Variants in TSHR observed in about 807,000 individuals in gnomAD.
The protein encoded by TSHR is thyrotropin receptor.
TSHR carries 51 observed loss-of-function variants against 64.1 expected under a neutral mutation model. The observed-to-expected ratio is 0.80, with a 90% CI of 0.64 to 1.01. The LOEUF (loss-of-function observed/expected upper bound fraction) is 1.01. TSHR is among the 50% of genes least tolerant of loss of function. The pLI is 0.00. For missense variants in TSHR, 877 were observed against 942.8 expected (o/e 0.93, Z 0.91); for synonymous variants, 361 against 361.9 (o/e 1.00, Z 0.03).
chr14:81,001,720 T>TA (rs1889330792), intron 1 of TSHR: 1 of 447,870 alleles, frequency 2.2e-6, no homozygotes, highest in African/African-American at 2.0e-5. Flanking sequence ...CGAGTGTTCT[T>TA]ACAGGAAACA....
intron 1 of TSHR, among the ~76,000 whole-genome samples, chr14:80,978,946 T>A (rs1009026096): frequency 6.6e-6 from 1 of 152,238 alleles, no homozygotes; most frequent in Non-Finnish European, 1.5e-5. Flanking sequence ...TGAATTTGAA[T>A]TTCAGATCTG....
At chr14:80,963,309 T>C (rs1887131382) in intron 1 of TSHR, among the ~76,000 whole-genome samples, 1 of 152,236 alleles carries the variant, frequency 6.6e-6, no homozygotes, top group Non-Finnish European at 1.5e-5. Context: ...CCTAATGAAC[T>C]CCAGGTTCTT....
At chr14:81,142,379 C>A (rs1450518817) in intron 9 of TSHR, among the ~76,000 whole-genome samples, 4 of 151,812 alleles carry the variant, frequency 2.6e-5, no homozygotes, top group Non-Finnish European at 4.4e-5. Flanking sequence ...TGAGCCAGCA[C>A]ACTTGGCCAC....
chr14:81,113,845 T>C (rs2300536), intron 8 of TSHR, among the ~76,000 whole-genome samples: 75,700 of 151,914 alleles, frequency 0.5, 21,801 homozygotes, highest in Non-Finnish European at 0.64. Context: ...CTGAAGCTGG[T>C]CAGTCTCATT....
chr14:81,042,958 T>C (rs958404190), intron 1 of TSHR, among the ~76,000 whole-genome samples: 3 of 151,976 alleles, frequency 2.0e-5, no homozygotes, highest in African/African-American at 7.3e-5. Context: ...ATAAGAGCCG[T>C]ATATAAAAAA....
intron 8 of TSHR, among the ~76,000 whole-genome samples, chr14:81,116,775 C>T (rs1331663778): frequency 6.6e-6 from 1 of 150,738 alleles, no homozygotes; most frequent in African/African-American, 2.5e-5. Context: ...TGACCACATA[C>T]TTGGAAGTAA....
At chr14:81,090,747 T>TCACACA (rs374517515) in intron 4 of TSHR, among the ~76,000 whole-genome samples, 1 of 151,276 alleles carries the variant, frequency 6.6e-6, no homozygotes, top group African/African-American at 2.4e-5. Flanking sequence ...AACGAGAAAA[T>TCACACA]CACACACACA....
In TSHR at chr14:81,143,614, G is replaced by A. The variant is rs780018604; in HGVS notation, c.1556G>A (p.Arg519His). 2.7e-5 allele frequency: 43 copies of A among 1,613,704 alleles called. No homozygotes were observed. Among genetic ancestry groups the A allele is most frequent in the East Asian group, 8.9e-5 (4 of 44,880 alleles). The stretch of plus-strand genomic sequence containing the variant: ...ACGCTGACGGTCATCACCCTGGAGC[G>A]CTGGTATGCCATCACCTTCGCCATG... ...VYTLTVITLERWYAITFAMRL... is the reference protein window; with the variant it reads ...VYTLTVITLEHWYAITFAMRL... The change falls in exon 10 of 10, where the codon CGC (arginine) becomes CAC (histidine). Residue 519 changes from arginine to histidine, a missense_variant. Arg to His is a conservative substitution (Grantham distance 29). Transcript: ENST00000298171.
chr14:80,982,389 T>C, intron 1 of TSHR: 2 of 1,253,444 alleles, frequency 1.6e-6, no homozygotes, highest in Admixed American at 2.2e-5. Context: ...ATCATTCCGG[T>C]GCTAAGAATG....
rs77104534 is a variant in TSHR, at chr14:81,060,489, T to G, written c.171-1659T>G. 2.2e-3 allele frequency among the ~76,000 whole-genome samples: 332 copies of G among 152,124 alleles called. 9 individuals carry two copies. The East Asian group carries it at 0.055, about 25-fold the overall frequency. On this transcript the variant is annotated intron_variant, in intron 1 of 9. Coordinates refer to ENST00000298171, the MANE Select transcript of TSHR (RefSeq NM_000369.5). ...GGGCTTCATGGCAAAACACCAGAGGTTGGGAAGAGTTGCAGATTTACTCTT... is the reference window on the plus strand; with the variant it reads ...GGGCTTCATGGCAAAACACCAGAGGGTGGGAAGAGTTGCAGATTTACTCTT...
intron 5 of TSHR, among the ~76,000 whole-genome samples, chr14:81,091,800 T>A (rs1888757557): frequency 6.6e-6 from 1 of 152,250 alleles, no homozygotes; most frequent in Admixed American, 6.5e-5. Context: ...TCAGAAGTGG[T>A]ACTCAAATTA....
intron 1 of TSHR, chr14:81,033,106 A>C: frequency 2.8e-6 from 1 of 356,682 alleles, no homozygotes; most frequent in Non-Finnish European, 5.5e-6. Context: ...TCAAGCTGGA[A>C]ATGCTGCTCA....
chr14:80,984,500 G>A (rs1050910954), intron 1 of TSHR, among the ~76,000 whole-genome samples: 1 of 152,162 alleles, frequency 6.6e-6, no homozygotes, highest in Non-Finnish European at 1.5e-5. Flanking sequence ...GAGAATTAGA[G>A]AGGGTAAGTA....
intron 1 of TSHR, among the ~76,000 whole-genome samples, chr14:80,996,351 A>G (rs1162662384): frequency 6.6e-6 from 1 of 151,920 alleles, no homozygotes; most frequent in Non-Finnish European, 1.5e-5. Context: ...TAAATGAGCT[A>G]TTATCTGATA....
At chr14:81,003,128 C>A (rs531686340) in intron 1 of TSHR, among the ~76,000 whole-genome samples, 4 of 152,128 alleles carry the variant, frequency 2.6e-5, no homozygotes, top group African/African-American at 9.6e-5. Context: ...TGTTTAGTTT[C>A]TTTTGTGCTG....
chr14:81,117,398 C>A (rs1443023913), intron 8 of TSHR, among the ~76,000 whole-genome samples: 6 of 110,768 alleles, frequency 5.4e-5, no homozygotes, highest in Non-Finnish European at 1.0e-4. Flanking sequence ...GAGAATACTA[C>A]AAACACCTCT....
rs1890349618 is a variant in TSHR, at chr14:81,113,966, A to C, written c.692+5514A>C. On this transcript the variant is annotated intron_variant, in intron 8 of 9. Coordinates refer to ENST00000298171, the MANE Select transcript of TSHR (RefSeq NM_000369.5). The stretch of plus-strand genomic sequence containing the variant: ...GGAGAATAAGCACAGTTGGGGTTAG[A>C]AGGCAGGTACTGTTCTGAAAACAGG... 1.3e-5 allele frequency among the ~76,000 whole-genome samples: 2 copies of C among 152,148 alleles called. 1 individual carries two copies. The highest frequency in any genetic ancestry group is 2.9e-5 in the Non-Finnish European group (2 of 68,022).
intron 1 of TSHR, among the ~76,000 whole-genome samples, chr14:81,057,490 A>G (rs988197712): frequency 6.6e-6 from 1 of 152,236 alleles, no homozygotes; most frequent in Non-Finnish European, 1.5e-5. Context: ...GTCACATTAA[A>G]TTGTATTAAT....
At chr14:81,037,398 G>A (rs1438948064) in intron 1 of TSHR, among the ~76,000 whole-genome samples, 1 of 122,790 alleles carries the variant, frequency 8.1e-6, no homozygotes, top group East Asian at 2.4e-4. Context: ...ATAAGAGAGG[G>A]AAAAAGGAAC....
Sources: gnomAD v4.1 joint callset for allele counts (sites outside exome capture counted in the v4.1 genomes callset) on GRCh38, gnomAD v4.1.1 for gene constraint, MANE v1.5 for transcripts, NCBI Gene and HGNC (gene_info 2026-07-23, HGNC 2026-07-21) for gene names.